NCAM2: variants seen among roughly 807,000 people sequenced by gnomAD.
NCAM2 encodes N-CAM-2.
A neutral mutation model predicts 98.1 loss-of-function variants in NCAM2; 30 were observed. The ratio of observed to expected loss-of-function variants is 0.31; its 90% CI spans 0.23 to 0.41. The LOEUF (loss-of-function observed/expected upper bound fraction) is 0.41. NCAM2 is among the 10% of genes least tolerant of loss of function. The probability of loss-of-function intolerance (pLI) is 1.00; values close to 1 mark genes in which losing one functional copy is unlikely to be tolerated. For missense variants in NCAM2, 867 were observed against 1,005.8 expected (o/e 0.86, Z 1.87); for synonymous variants, 368 against 342.4 (o/e 1.07, Z -0.83).
intron 5 of NCAM2, among the ~76,000 whole-genome samples, chr21:21,318,804 C>G (rs2147767870): frequency 6.6e-6 from 1 of 152,162 alleles, no homozygotes; most frequent in African/African-American, 2.4e-5. Flanking sequence ...ATAGTGTATC[C>G]ACAGGGTTTG....
chr21:21,458,825 A>T (rs1386360821), intron 12 of NCAM2, among the ~76,000 whole-genome samples: 1 of 152,190 alleles, frequency 6.6e-6, no homozygotes, highest in Non-Finnish European at 1.5e-5. Context: ...AGCCTAGGCA[A>T]CAAAAGCAAA....
chr21:21,519,496 T>C (rs894092587), intron 16 of NCAM2, among the ~76,000 whole-genome samples: 4 of 152,080 alleles, frequency 2.6e-5, no homozygotes, highest in Admixed American at 1.3e-4. Context: ...AAATGTACCT[T>C]CATGATGTTG....
chr21:21,448,163 G>A (rs1282311533), intron 12 of NCAM2, among the ~76,000 whole-genome samples: 1 of 152,100 alleles, frequency 6.6e-6, no homozygotes, highest in African/African-American at 2.4e-5. Context: ...ATCAATGATA[G>A]ACTGGATAAA....
chr21:21,170,593 A>G (rs118154301), intron 1 of NCAM2, among the ~76,000 whole-genome samples: 1,547 of 152,232 alleles, frequency 0.01, 10 homozygotes, highest in Middle Eastern at 0.017. Context: ...GGGAACACAG[A>G]GGCTATTTAG....
Position 21,432,267 on chromosome 21 carries a change from C to T in NCAM2, c.1640C>T (p.Ser547Phe), listed in dbSNP as rs767536459. 1 of 1,613,514 alleles carries T rather than the reference C, an allele frequency of 6.2e-7. No individual in the cohort carries two copies. Among genetic ancestry groups the T allele is most frequent in the Non-Finnish European group, 8.5e-7 (1 of 1,179,662 alleles). Residue 547 changes from serine (S) to phenylalanine (F), a missense_variant, in exon 12 of 18, where the codon TCC becomes TTC. By Grantham distance (155) the Ser-to-Phe change is radical (BLOSUM62 -2). Coordinates refer to ENST00000400546, the MANE Select transcript of NCAM2 (RefSeq NM_004540.5). ...TCAGAAATCTGGAAAATTGTACGCT[C>T]CCATGGAGTTCAAAGTGAGTCAACA... is the stretch of plus-strand genomic sequence containing the variant. ...VASEIWKIVR[S>F]HGVQTMVVLN... is the part of the protein sequence containing the mutation.
At chr21:21,337,718 A>G (rs908932921) in intron 7 of NCAM2, among the ~76,000 whole-genome samples, 7 of 151,988 alleles carry the variant, frequency 4.6e-5, no homozygotes, top group Non-Finnish European at 2.9e-5. Flanking sequence ...TAGTAGACAT[A>G]ATGCTTTTCT....
At chr21:21,092,866 G>A (rs1025067489) in intron 1 of NCAM2, among the ~76,000 whole-genome samples, 19 of 151,928 alleles carry the variant, frequency 1.3e-4, no homozygotes, top group South Asian at 1.2e-3. Context: ...AATGTCATTT[G>A]TTAAGCAAAA....
intron 1 of NCAM2, among the ~76,000 whole-genome samples, chr21:21,181,472 A>C (rs542641083): frequency 6.6e-6 from 1 of 152,270 alleles, no homozygotes; most frequent in African/African-American, 2.4e-5. Context: ...AATTACCAAA[A>C]CCTTGTTGCA....
intron 8 of NCAM2, among the ~76,000 whole-genome samples, chr21:21,361,351 C>A (rs2075640727): frequency 6.6e-6 from 1 of 152,132 alleles, no homozygotes; most frequent in African/African-American, 2.4e-5. Flanking sequence ...CTGAAACTCT[C>A]TGGCAAGCTT....
intron 1 of NCAM2, among the ~76,000 whole-genome samples, chr21:21,214,160 T>A (rs528719423): frequency 6.6e-6 from 1 of 152,118 alleles, no homozygotes; most frequent in Non-Finnish European, 1.5e-5. Flanking sequence ...GTTGTGTGGG[T>A]GTATTTTGTG....
At chr21:21,192,107 C>T (rs923120511) in intron 1 of NCAM2, among the ~76,000 whole-genome samples, 1 of 152,128 alleles carries the variant, frequency 6.6e-6, no homozygotes, top group Admixed American at 6.6e-5. Flanking sequence ...GCTCTAATCC[C>T]AGCTACCCGG....
chr21:21,456,774 T>C (rs1040874475), intron 12 of NCAM2, among the ~76,000 whole-genome samples: 1 of 152,096 alleles, frequency 6.6e-6, no homozygotes, highest in Non-Finnish European at 1.5e-5. Flanking sequence ...GGCAAAATGC[T>C]CATGAGTAGG....
chr21:21,470,377 C>G (rs963129342), intron 14 of NCAM2, among the ~76,000 whole-genome samples: 1 of 151,994 alleles, frequency 6.6e-6, no homozygotes, highest in African/African-American at 2.4e-5. Context: ...ATGTGTGAAA[C>G]ACAGATGGAT....
chr21:21,009,107 T>C (rs1054511542), intron 1 of NCAM2, among the ~76,000 whole-genome samples: 2 of 152,168 alleles, frequency 1.3e-5, no homozygotes, highest in Non-Finnish European at 2.9e-5. Context: ...TTTCTGTAAA[T>C]TCATATGTGT....
chr21:21,258,640 G>C (rs1340071435), intron 1 of NCAM2, among the ~76,000 whole-genome samples: 1 of 152,158 alleles, frequency 6.6e-6, no homozygotes, highest in Non-Finnish European at 1.5e-5. Context: ...CAGGTGGCTG[G>C]CTTGCAGCTG....
chr21:21,522,061 TA>T (rs1028954697), intron 16 of NCAM2, among the ~76,000 whole-genome samples: 87 of 148,184 alleles, frequency 5.9e-4, no homozygotes, highest in African/African-American at 2.1e-3. Context: ...TATGAATGAA[TA>T]GTATATATAT....
chr21:21,364,033 A>G (rs1254965692), intron 8 of NCAM2, among the ~76,000 whole-genome samples: 2 of 152,038 alleles, frequency 1.3e-5, no homozygotes, highest in East Asian at 3.9e-4. Context: ...GCTTTACACT[A>G]AGACAACAAA....
chr21:21,204,471 A>G (rs901422559), intron 1 of NCAM2, among the ~76,000 whole-genome samples: 1 of 152,106 alleles, frequency 6.6e-6, no homozygotes, highest in African/African-American at 2.4e-5. Context: ...TGGAAGAAAG[A>G]TATTTGTTTT....
intron 8 of NCAM2, among the ~76,000 whole-genome samples, chr21:21,343,347 A>G (rs1029220108): frequency 7.4e-6 from 1 of 135,488 alleles, no homozygotes; most frequent in Non-Finnish European, 1.6e-5. Flanking sequence ...GTTAACAACT[A>G]TCTATACACA....
Sources: allele counts gnomAD v4.1 joint callset (sites outside exome capture counted in the v4.1 genomes callset), GRCh38; gene constraint gnomAD v4.1.1; transcripts MANE v1.5; gene names NCBI Gene and HGNC (gene_info 2026-07-23, HGNC 2026-07-21).